The following CACNA1A variants were observed in gnomAD, a reference collection of about 807,000 sequenced individuals.
The protein encoded by CACNA1A is calcium voltage-gated channel subunit alpha1 A, also known as voltage-dependent P/Q-type calcium channel subunit alpha-1A.
Under a neutral mutation model 262.4 loss-of-function variants are expected in CACNA1A, and 57 were observed. The observed-to-expected ratio is 0.22, with a 90% CI of 0.18 to 0.27. The LOEUF is 0.27. CACNA1A is among the 10% of genes least tolerant of loss of function. CACNA1A has a pLI of 1.00. For synonymous variants in CACNA1A, 1,431 were observed against 1,419.3 expected, an observed-to-expected ratio of 1.01 and a Z score of -0.18; for missense variants, 2,526 against 3,562.8, an observed-to-expected ratio of 0.71 and a Z score of 7.41.
intron 3 of CACNA1A, among the ~76,000 whole-genome samples, chr19:13,381,625 G>C (rs574680037): frequency 1.3e-5 from 2 of 152,262 alleles, no homozygotes; most frequent in South Asian, 4.1e-4. Flanking sequence ...TAGGCAAATG[G>C]AACAGCCGGT....
intron 1 of CACNA1A, among the ~76,000 whole-genome samples, chr19:13,471,475 A>G (rs532888027): frequency 1.5e-3 from 232 of 152,250 alleles, no homozygotes; most frequent in Non-Finnish European, 1.2e-3. Flanking sequence ...ATGTATCATC[A>G]GACCCCACCA....
chr19:13,491,313 G>A (rs1980856403), intron 1 of CACNA1A, among the ~76,000 whole-genome samples: 1 of 152,180 alleles, frequency 6.6e-6, no homozygotes, highest in Admixed American at 6.5e-5. Context: ...TGGGGGCTGG[G>A]ATGAAGTTCT....
intron 5 of CACNA1A, chr19:13,363,141 A>G (rs1356655963): frequency 6.6e-6 from 1 of 152,122 alleles, no homozygotes; most frequent in Non-Finnish European, 1.5e-5. Context: ...CACCACCCAC[A>G]TCTGTCCCCT....
chr19:13,346,646 A>T (rs1279082973), intron 6 of CACNA1A, among the ~76,000 whole-genome samples: 10 of 5,778 alleles, frequency 1.7e-3, no homozygotes, highest in South Asian at 9.3e-3. Flanking sequence ...ATATATATAT[A>T]TATATATATA....
intron 28 of CACNA1A, among the ~76,000 whole-genome samples, chr19:13,255,691 TCCTC>T (rs1201434433): frequency 2.4e-5 from 1 of 41,494 alleles, no homozygotes; most frequent in African/African-American, 8.0e-5. Flanking sequence ...CTTCCTTCCT[TCCTC>T]CCTCCTTCCT....
chr19:13,218,578 T>C (rs1331368078), intron 38 of CACNA1A, among the ~76,000 whole-genome samples: 2 of 151,906 alleles, frequency 1.3e-5, no homozygotes, highest in African/African-American at 4.8e-5. Flanking sequence ...TTTATGTTTT[T>C]GGAATTTGTT....
intron 3 of CACNA1A, among the ~76,000 whole-genome samples, chr19:13,418,410 C>T (rs2060261531): frequency 6.6e-6 from 1 of 152,046 alleles, no homozygotes; most frequent in Non-Finnish European, 1.5e-5. Context: ...GTGAACCCTC[C>T]AGAAGTTATG....
At chr19:13,378,111 A>G (rs1487790437) in intron 3 of CACNA1A, among the ~76,000 whole-genome samples, 1 of 152,254 alleles carries the variant, frequency 6.6e-6, no homozygotes, top group Non-Finnish European at 1.5e-5. Flanking sequence ...TCAAGACTTC[A>G]CTGGAGGAAG....
intron 1 of CACNA1A, 53 bp from the exon 2 acceptor site, chr19:13,455,265 G>A: frequency 1.8e-6 from 2 of 1,089,714 alleles, no homozygotes; most frequent in South Asian, 1.2e-5. Context: ...GGTGTTGGAG[G>A]TGCACCCACC....
At chr19:13,478,652 G>T (rs1363332659) in intron 1 of CACNA1A, among the ~76,000 whole-genome samples, 1 of 152,120 alleles carries the variant, frequency 6.6e-6, no homozygotes, top group Non-Finnish European at 1.5e-5. Context: ...GTGAAGAATT[G>T]GGCAAAGGTA....
intron 1 of CACNA1A, among the ~76,000 whole-genome samples, chr19:13,466,329 CT>C: frequency 2.0e-5 from 2 of 98,000 alleles, no homozygotes; most frequent in Middle Eastern, 5.6e-3. Flanking sequence ...TTTTCCTTTT[CT>C]TTTTTTTTAA....
chr19:13,224,065 G>T (rs1486196121), intron 38 of CACNA1A, among the ~76,000 whole-genome samples: 1 of 152,072 alleles, frequency 6.6e-6, no homozygotes, highest in Non-Finnish European at 1.5e-5. Flanking sequence ...ACTTTGAGAG[G>T]TCGAGGCAGG....
chr19:13,406,455 A>C (rs571053417), intron 3 of CACNA1A, among the ~76,000 whole-genome samples: 204 of 107,346 alleles, frequency 1.9e-3, no homozygotes, highest in Non-Finnish European at 2.4e-3. Flanking sequence ...ACTCTGTCTC[A>C]AAAAAAAAAT....
chr19:13,393,809 CCTCTCT>C (rs150142387), intron 3 of CACNA1A, among the ~76,000 whole-genome samples: 216 of 102,630 alleles, frequency 2.1e-3, no homozygotes, highest in Middle Eastern at 6.4e-3. Context: ...CTCCCTCCTT[CCTCTCT>C]CTCTCTCTCT....
In CACNA1A at chr19:13,343,010, C is replaced by T. The variant is rs996037249; in HGVS notation, c.979-7101G>A. Among the ~76,000 whole-genome samples, 3 of 152,114 alleles carry T rather than the reference C, an allele frequency of 2.0e-5. No homozygotes were observed. In the East Asian group the frequency reaches 5.8e-4, roughly 29 times the overall value. On this transcript the variant is annotated intron_variant, in intron 6 of 46. Coordinates refer to ENST00000360228, the MANE Select transcript of CACNA1A (RefSeq NM_001127222.2). ...GCTCAAGTGATCCTCCTGCTTCAGC[C>T]TCCCAAAGTGCTGGGATTTCAGGCA...
At chr19:13,473,685 A>T (rs1978297633) in intron 1 of CACNA1A, among the ~76,000 whole-genome samples, 3 of 152,090 alleles carry the variant, frequency 2.0e-5, no homozygotes, top group Admixed American at 2.0e-4. Context: ...GAGGAACCAC[A>T]TCTGTCCTGC....
intron 19 of CACNA1A, among the ~76,000 whole-genome samples, chr19:13,296,591 G>A (rs1489771247): frequency 1.3e-5 from 2 of 152,178 alleles, no homozygotes. Flanking sequence ...GTCTCACTAT[G>A]TTGCGCAGGC....
chr19:13,457,847 C>A (rs1201223005), intron 1 of CACNA1A, among the ~76,000 whole-genome samples: 18 of 140,524 alleles, frequency 1.3e-4, no homozygotes, highest in Non-Finnish European at 2.2e-4. Flanking sequence ...AAGCAAAACT[C>A]CGTTTCAAAA....
At chr19:13,355,068 G>T (rs1308036043) in intron 6 of CACNA1A, among the ~76,000 whole-genome samples, 1 of 151,994 alleles carries the variant, frequency 6.6e-6, no homozygotes, top group Admixed American at 6.6e-5. Flanking sequence ...TAGAGATGGG[G>T]TTTCACCATG....
Sources: allele counts gnomAD v4.1 joint callset (sites outside exome capture counted in the v4.1 genomes callset), GRCh38; gene constraint gnomAD v4.1.1; transcripts MANE v1.5; gene names NCBI Gene and HGNC (gene_info 2026-07-23, HGNC 2026-07-21).